Variants in MFF observed in about 807,000 individuals in gnomAD.
MFF encodes chromosome 2 open reading frame 33.
Under a neutral mutation model 36.9 loss-of-function variants are expected in MFF, and 12 were observed. That is an observed-to-expected ratio of 0.33 (90% confidence interval 0.21 to 0.53). The LOEUF (loss-of-function observed/expected upper bound fraction) is 0.53. Ranked by LOEUF, MFF falls within the 20% of genes least tolerant of loss-of-function variation. The pLI is 0.95. For synonymous variants in MFF, 99 were observed against 126.2 expected (o/e 0.78, Z 1.44); for missense variants, 348 against 366.6 (o/e 0.95, Z 0.42).
intron 4 of MFF, among the ~76,000 whole-genome samples, chr2:227,335,481 C>T (rs1052191630): frequency 3.9e-5 from 6 of 152,158 alleles, no homozygotes; most frequent in Non-Finnish European, 7.4e-5. Flanking sequence ...CTGAATTGTA[C>T]ACTTCAACAT....
chr2:227,326,828 A>G (rs2074182633), intron 1 of MFF, among the ~76,000 whole-genome samples: 2 of 152,080 alleles, frequency 1.3e-5, no homozygotes, highest in African/African-American at 4.8e-5. Flanking sequence ...TTGTTTTTGA[A>G]AAGTACATAA....
In MFF at chr2:227,330,615, T is replaced by G; in HGVS notation, c.-40-11T>G. 1 of 1,607,426 alleles carries G rather than the reference T, an allele frequency of 6.2e-7. No homozygotes were observed. The highest frequency in any genetic ancestry group is 1.1e-5 in the South Asian group (1 of 90,840). On this transcript the variant is annotated splice_polypyrimidine_tract_variant and intron_variant, in intron 2 of 8. Transcript: ENST00000304593. The stretch of plus-strand genomic sequence containing the variant: ...AACAGTCAGCCCTGTCTTTAAATTT[T>G]TCTCCCACAGGGTGAGCAGGGCAGC...
At chr2:227,331,898 A>G (rs1254112770) in intron 3 of MFF, among the ~76,000 whole-genome samples, 2 of 150,914 alleles carry the variant, frequency 1.3e-5, no homozygotes, top group Admixed American at 1.3e-4. Context: ...TGTACATTGC[A>G]TAATTTCTTA....
At chr2:227,352,202 G>A (rs2076032556) in intron 6 of MFF, 1 of 247,112 alleles carries the variant, frequency 4.0e-6, no homozygotes, top group East Asian at 8.7e-5. Flanking sequence ...TTTTTAAGCA[G>A]AGTTGTCCTC....
At chr2:227,342,698 G>C (rs2075464118) in intron 5 of MFF, 1 of 1,461,812 alleles carries the variant, frequency 6.8e-7, no homozygotes, top group South Asian at 1.2e-5. Flanking sequence ...CTTTTTCTTT[G>C]TGTTATAAAA....
intron 6 of MFF, chr2:227,352,169 C>T: frequency 5.3e-6 from 1 of 189,422 alleles, no homozygotes; most frequent in Middle Eastern, 2.3e-3. Flanking sequence ...TTTTTTTTTC[C>T]AACTGGAAGA....
At chr2:227,328,511 T>C (rs2074340869) in intron 1 of MFF, among the ~76,000 whole-genome samples, 167 bp from the exon 2 acceptor site, 1 of 152,194 alleles carries the variant, frequency 6.6e-6, no homozygotes, top group Admixed American at 6.5e-5. Flanking sequence ...TCTGTGGAAC[T>C]AAGATTGGTG....
At chr2:227,332,356 C>A (rs2074661645) in intron 3 of MFF, 63 bp from the exon 4 acceptor site, 1 of 1,232,820 alleles carries the variant, frequency 8.1e-7, no homozygotes, top group Non-Finnish European at 1.1e-6. Flanking sequence ...TAACAAAAAT[C>A]ACTGTCTTTT....
intron 1 of MFF, among the ~76,000 whole-genome samples, chr2:227,326,697 T>TTA (rs1243757437): frequency 2.0e-5 from 3 of 152,234 alleles, no homozygotes; most frequent in African/African-American, 7.2e-5. Flanking sequence ...TAAATATAGT[T>TTA]TCTTTGAAAA....
Position 227,350,995 on chromosome 2 carries a change from G to A in MFF, c.600-1519G>A, listed in dbSNP as rs371398678. 3.0e-4 allele frequency among the ~76,000 whole-genome samples: 46 copies of A among 152,264 alleles called. No homozygotes were observed. The East Asian group carries it at 5.2e-3, about 17-fold the overall frequency. On this transcript the variant is annotated intron_variant, in intron 6 of 8. Transcript: ENST00000304593. Reference sequence around the variant, plus strand: ...TAACTGTATTATTTTCTGGCTCTGCGTTATAAAAGGGAAATCTCTGTGGTG... The same window carrying A: ...TAACTGTATTATTTTCTGGCTCTGCATTATAAAAGGGAAATCTCTGTGGTG...
At chr2:227,341,851 A>G (rs61293565) in intron 5 of MFF, among the ~76,000 whole-genome samples, 48,902 of 151,968 alleles carry the variant, frequency 0.32, 8,140 homozygotes, top group Admixed American at 0.43. Flanking sequence ...GACATTTTAT[A>G]TTAATAAAAA....
At position 227,326,153 on chromosome 2, in the gene MFF, G is replaced by A. The variant is rs1284416189; in HGVS notation, c.-153+726G>A. On this transcript the variant is annotated intron_variant, in intron 1 of 8. Transcript: ENST00000304593. ...CCCCTGTCTACCTCCCACAAAGTTA[G>A]AAGCAAAGGGCATTCTCGAGGGAAG... 1.3e-5 allele frequency among the ~76,000 whole-genome samples: 2 copies of A among 151,396 alleles called. 1 individual carries two copies. Among genetic ancestry groups the A allele is most frequent in the Non-Finnish European group, 2.9e-5 (2 of 67,944 alleles).
intron 8 of MFF, 40 bp from the exon 9 acceptor site, chr2:227,356,946 C>A (rs1410940242): frequency 4.7e-6 from 7 of 1,500,782 alleles, no homozygotes; most frequent in African/African-American, 1.4e-5. Flanking sequence ...TTCATTAAAG[C>A]CTCTATATTA....
At chr2:227,352,273 G>GT (rs2076035783) in intron 6 of MFF, 1 of 405,088 alleles carries the variant, frequency 2.5e-6, no homozygotes. Context: ...GTGCTGTTTT[G>GT]TCGTGTAAAT....
chr2:227,348,496 A>G (rs952626765), intron 6 of MFF, among the ~76,000 whole-genome samples: 2 of 152,156 alleles, frequency 1.3e-5, no homozygotes, highest in African/African-American at 2.4e-5. Flanking sequence ...GGGTGTGGGG[A>G]GGGGAATTAT....
intron 5 of MFF, among the ~76,000 whole-genome samples, chr2:227,344,425 G>A (rs1056910111): frequency 6.6e-6 from 1 of 152,156 alleles, no homozygotes; most frequent in Non-Finnish European, 1.5e-5. Context: ...ATGAGTGGAC[G>A]GAGATGAAAG....
intron 4 of MFF, among the ~76,000 whole-genome samples, chr2:227,337,501 A>G (rs912577893): frequency 2.4e-4 from 37 of 152,248 alleles, no homozygotes; most frequent in Admixed American, 3.9e-4. Context: ...AGCCATCAAA[A>G]AACCTAGAGG....
intron 3 of MFF, among the ~76,000 whole-genome samples, 187 bp from the exon 4 acceptor site, chr2:227,332,231 CA>C (rs1280414060): frequency 6.6e-6 from 1 of 151,846 alleles, no homozygotes. Context: ...CTCGGCCTCC[CA>C]AAGTGCTGGG....
intron 7 of MFF, among the ~76,000 whole-genome samples, chr2:227,354,343 T>C (rs1476508584): frequency 6.6e-6 from 1 of 152,224 alleles, no homozygotes; most frequent in Non-Finnish European, 1.5e-5. Flanking sequence ...ATGTACTTTT[T>C]GTAGTGGGGA....
Sources: gnomAD v4.1 joint callset for allele counts (sites outside exome capture counted in the v4.1 genomes callset) on GRCh38, gnomAD v4.1.1 for gene constraint, MANE v1.5 for transcripts, NCBI Gene and HGNC (gene_info 2026-07-23, HGNC 2026-07-21) for gene names.